The following ITSN1 variants were observed in gnomAD, a reference collection of about 807,000 sequenced individuals.
ITSN1 encodes the protein intersectin-1.
Under a neutral mutation model 239.8 loss-of-function variants are expected in ITSN1, and 58 were observed. The ratio of observed to expected loss-of-function variants is 0.24; its 90% confidence interval spans 0.20 to 0.30. ITSN1 has a LOEUF of 0.30. Among genes scored for constraint, ITSN1 ranks in the 10% least tolerant of loss-of-function variants. The pLI, the probability that ITSN1 is intolerant of heterozygous loss-of-function variation, is 1.00. For missense variants in ITSN1, 1,558 were observed against 2,103.3 expected (o/e 0.74, Z 5.07); for synonymous variants, 780 against 770.8 (o/e 1.01, Z -0.20).
chr21:33,761,039 T>C (rs115214327), intron 8 of ITSN1, among the ~76,000 whole-genome samples: 2,039 of 151,868 alleles, frequency 0.013, 50 homozygotes, highest in African/African-American at 0.046. Context: ...AATTCTTCTT[T>C]TTTTTTTTTT....
intron 14 of ITSN1, among the ~76,000 whole-genome samples, chr21:33,777,080 A>C (rs890551746): frequency 7.2e-5 from 11 of 152,170 alleles, no homozygotes; most frequent in Admixed American, 2.0e-4. Context: ...AAAAAACTTA[A>C]AATTTTAAGT....
chr21:33,775,643 C>T (rs867413199), intron 14 of ITSN1, among the ~76,000 whole-genome samples: 12 of 152,214 alleles, frequency 7.9e-5, no homozygotes, highest in Non-Finnish European at 1.3e-4. Context: ...GTCCTGAGGT[C>T]GTAGCAGGAC....
In ITSN1 at chr21:33,835,367, G is replaced by A. The variant is rs528193396; in HGVS notation, c.3469+943G>A. On this transcript the variant is annotated intron_variant, in intron 28 of 39. Transcript: ENST00000381318. Reference sequence around the variant, plus strand: ...CATGTACAGCCCCTTCCTCAGGCCCGCTGAAATTAGTTGCTGAAGTGATTG... The same window carrying A: ...CATGTACAGCCCCTTCCTCAGGCCCACTGAAATTAGTTGCTGAAGTGATTG... Among the ~76,000 whole-genome samples the A allele has an allele frequency of 1.3e-4, 20 of 152,184 alleles. No homozygotes were observed. In the South Asian group the frequency reaches 3.5e-3, roughly 27 times the overall value.
At chr21:33,727,651 C>T (rs1256315628) in intron 4 of ITSN1, among the ~76,000 whole-genome samples, 1 of 151,752 alleles carries the variant, frequency 6.6e-6, no homozygotes, top group Non-Finnish European at 1.5e-5. Context: ...ACTCTTGATC[C>T]CCTCTCCTCC....
chr21:33,758,370 C>T (rs529638907), intron 8 of ITSN1, among the ~76,000 whole-genome samples: 3 of 152,358 alleles, frequency 2.0e-5, no homozygotes, highest in Middle Eastern at 3.4e-3. Flanking sequence ...TTACCTCTGC[C>T]TCCCAAAGTG....
chr21:33,717,681 G>C (rs1396443837), intron 1 of ITSN1, among the ~76,000 whole-genome samples: 3 of 151,912 alleles, frequency 2.0e-5, no homozygotes, highest in Non-Finnish European at 4.4e-5. Flanking sequence ...TCAGCCTCCC[G>C]AGTAGCTGGG....
chr21:33,812,715 T>C (rs888399989), intron 21 of ITSN1, among the ~76,000 whole-genome samples: 1 of 152,064 alleles, frequency 6.6e-6, no homozygotes, highest in African/African-American at 2.4e-5. Context: ...CCCAGGCTGA[T>C]CTTGAACTCC....
At position 33,829,446 on chromosome 21, in the gene ITSN1, C is replaced by G. The variant is rs1050340168; in HGVS notation, c.3230-178C>G. The G allele has an allele frequency of 6.1e-6, 4 of 650,790 alleles. No individual in the cohort carries two copies. In the African/African-American group the frequency reaches 7.2e-5, roughly 12 times the overall value. 40.3% of individuals were successfully genotyped at this position (650,790 alleles called of 1,614,324 possible). A position where few individuals can be genotyped will look rare whatever the true frequency, so the allele number is the denominator to read the frequency against. On this transcript the variant is annotated intron_variant, in intron 26 of 39. Transcript: ENST00000381318. ...TCAGCCAGGCCCTTGAATGCCGTGT[C>G]TGCCTGGTAGCTCTGGGAACGGGCG...
Position 33,856,751 on chromosome 21 carries a change from A to T in ITSN1, c.3677A>T (p.His1226Leu), listed in dbSNP as rs527375628. The change falls in exon 30 of 40, where the codon CAT becomes CTT. Residue 1226 changes from histidine (H) to leucine (L), a missense_variant. By Grantham distance (99) the His-to-Leu change is moderately conservative (BLOSUM62 -3). This residue lies in a region of ITSN1 where 576 missense variants were observed against 893.3 expected (regional missense o/e 0.64). Transcript: ENST00000381318. ...TGTTTTCCAGGGTGTTCAGACTTAC[A>T]TCTCTTGGATATGTTGACCCCAACT... ...DPSQQWCSDL[H>L]LLDMLTPTER... The T allele has an allele frequency of 1.9e-6, 3 of 1,614,042 alleles. No homozygotes were observed. Among genetic ancestry groups the T allele is most frequent in the African/African-American group, 1.3e-5 (1 of 74,996 alleles).
intron 1 of ITSN1, among the ~76,000 whole-genome samples, chr21:33,648,413 G>A (rs532162772): frequency 6.6e-6 from 1 of 152,254 alleles, no homozygotes; most frequent in East Asian, 1.9e-4. Context: ...ATGTTTTATA[G>A]GCATTTGGGT....
chr21:33,845,586 A>G (rs561435374), intron 29 of ITSN1, among the ~76,000 whole-genome samples: 1 of 151,114 alleles, frequency 6.6e-6, no homozygotes, highest in South Asian at 2.1e-4. Flanking sequence ...CTCCTCATTT[A>G]TTCCTATTTG....
At chr21:33,660,484 C>T (rs2089467760) in intron 1 of ITSN1, among the ~76,000 whole-genome samples, 1 of 152,156 alleles carries the variant, frequency 6.6e-6, no homozygotes, top group Non-Finnish European at 1.5e-5. Context: ...GAAAACTGTT[C>T]ACAAAACAAA....
intron 31 of ITSN1, among the ~76,000 whole-genome samples, chr21:33,861,113 C>T (rs572932396): frequency 3.3e-5 from 5 of 152,246 alleles, no homozygotes; most frequent in Admixed American, 3.3e-4. Context: ...TTCTTTTCTG[C>T]ATTTTACTAG....
chr21:33,800,234 CATATAT>C (rs1388602861), intron 19 of ITSN1, among the ~76,000 whole-genome samples: 1 of 151,664 alleles, frequency 6.6e-6, no homozygotes, highest in Non-Finnish European at 1.5e-5. Flanking sequence ...TATGAGTATA[CATATAT>C]ATGTAATACA....
chr21:33,883,688 C>CATGGG lies in ITSN1; in HGVS notation c.4676+17_4676+18insATGGG. ...AAATGAAAGGTGAGACCTGCCGCCT[C>CATGGG]CCCAGCATGGGCCCCAGGGCTCCAC... On this transcript the variant is annotated intron_variant, in intron 36 of 39. Transcript: ENST00000381318. 1 of 1,611,086 alleles carries CATGGG rather than the reference C, an allele frequency of 6.2e-7. No individual in the cohort carries two copies. The highest frequency in any genetic ancestry group is 8.5e-7 in the Non-Finnish European group (1 of 1,178,052).
intron 34 of ITSN1, among the ~76,000 whole-genome samples, chr21:33,877,910 T>G (rs1004681304): frequency 6.6e-6 from 1 of 151,442 alleles, no homozygotes; most frequent in Non-Finnish European, 1.5e-5. Flanking sequence ...TTCTGTTTTT[T>G]TAAAGTTTTT....
intron 8 of ITSN1, among the ~76,000 whole-genome samples, chr21:33,760,828 TTCC>T (rs2068264152): frequency 6.6e-6 from 1 of 152,188 alleles, no homozygotes; most frequent in African/African-American, 2.4e-5. Flanking sequence ...TCCAGCAGTC[TTCC>T]TGGGACCACA....
In ITSN1 at chr21:33,899,123, G is replaced by A. The variant is rs537689063; in HGVS notation, c.*10823G>A. On this transcript the variant is annotated 3_prime_UTR_variant, in exon 40 of 40. Coordinates refer to ENST00000381318, the MANE Select transcript of ITSN1 (RefSeq NM_003024.3). Reference sequence around the variant, plus strand: ...GGCTGGGGTGGCAAGAGGGCTGTGAGTGGAAACAAGTCAGCCAGTCAACTG... The same window carrying A: ...GGCTGGGGTGGCAAGAGGGCTGTGAATGGAAACAAGTCAGCCAGTCAACTG... The A allele has an allele frequency of 6.6e-6, 1 of 152,358 alleles. No individual in the cohort carries two copies. Among genetic ancestry groups the A allele is most frequent in the South Asian group, 2.1e-4 (1 of 4,830 alleles). 9.4% of individuals were successfully genotyped at this position (152,358 alleles called of 1,614,324 possible). A position where few individuals can be genotyped will look rare whatever the true frequency, so the allele number is the denominator to read the frequency against.
chr21:33,881,760 C>T (rs772025853), intron 34 of ITSN1, among the ~76,000 whole-genome samples: 4 of 152,018 alleles, frequency 2.6e-5, no homozygotes, highest in Non-Finnish European at 5.9e-5. Context: ...GTGGAACGAT[C>T]GCTTGAAGTC....
Sources: allele counts gnomAD v4.1 joint callset (sites outside exome capture counted in the v4.1 genomes callset), GRCh38; gene constraint gnomAD v4.1.1; regional missense constraint gnomAD v4.1.1; transcripts MANE v1.5; gene names NCBI Gene and HGNC (gene_info 2026-07-23, HGNC 2026-07-21).